PTPRN2: variants seen among roughly 807,000 people sequenced by gnomAD.
PTPRN2 encodes protein tyrosine phosphatase receptor type N2, also known as receptor-type tyrosine-protein phosphatase N2.
A neutral mutation model predicts 118.8 loss-of-function variants in PTPRN2; 74 were observed. That is an observed-to-expected ratio of 0.62 (90% CI 0.52 to 0.76). The LOEUF is 0.76. PTPRN2 is among the 30% of genes least tolerant of loss of function. The pLI, the probability that PTPRN2 is intolerant of heterozygous loss-of-function variation, is 0.00. For synonymous variants in PTPRN2, 641 were observed against 608.0 expected (o/e 1.05, Z -0.80); for missense variants, 1,481 against 1,394.4 (o/e 1.06, Z -0.99).
intron 3 of PTPRN2, among the ~76,000 whole-genome samples, chr7:158,241,369 C>T (rs1388523721): frequency 6.6e-6 from 1 of 152,040 alleles, no homozygotes; most frequent in Non-Finnish European, 1.5e-5. Context: ...ACAAAATTAG[C>T]CGGGCATGAT....
chr7:158,192,723 C>T (rs936861361), intron 4 of PTPRN2, among the ~76,000 whole-genome samples: 8 of 152,036 alleles, frequency 5.3e-5, no homozygotes, highest in African/African-American at 1.2e-4. Context: ...TGGGGATGGA[C>T]GATTGACCCC....
chr7:157,852,957 G>A (rs971309465), intron 12 of PTPRN2, among the ~76,000 whole-genome samples: 28 of 151,930 alleles, frequency 1.8e-4, no homozygotes, highest in African/African-American at 6.3e-4. Flanking sequence ...CATGCCACCA[G>A]CTTTTTCTGC....
intron 2 of PTPRN2, among the ~76,000 whole-genome samples, chr7:158,476,931 T>C (rs902977000): frequency 2.0e-5 from 3 of 152,246 alleles, no homozygotes; most frequent in African/African-American, 7.2e-5. Flanking sequence ...AGACCCAAAC[T>C]GAGCTGAACT....
chr7:158,071,002 T>C (rs1235417077), intron 11 of PTPRN2, among the ~76,000 whole-genome samples: 64 of 63,582 alleles, frequency 1.0e-3, no homozygotes, highest in Non-Finnish European at 1.3e-3. Context: ...GAGGTGCTCA[T>C]GGTGGTGGAG....
chr7:158,538,524 G>A (rs1161832543), intron 1 of PTPRN2, among the ~76,000 whole-genome samples: 2 of 152,142 alleles, frequency 1.3e-5, no homozygotes, highest in Non-Finnish European at 2.9e-5. Flanking sequence ...CTTCTATAAT[G>A]CGTGTGTGCC....
rs990182098 is a variant in PTPRN2, at chr7:157,603,493, G to C, written c.2418+509C>G. Among the ~76,000 whole-genome samples, 20 of 152,206 alleles carry C rather than the reference G, an allele frequency of 1.3e-4. No homozygotes were observed. Among genetic ancestry groups the C allele is most frequent in the African/African-American group, 4.8e-4 (20 of 41,446 alleles). ...CTCCACTGCACCTGCGTCTATCCCA[G>C]GGGGAGGAACAGCCAGCAAACGGTC... On this transcript the variant is annotated intron_variant, in intron 16 of 22. Coordinates refer to ENST00000389418, the MANE Select transcript of PTPRN2 (RefSeq NM_002847.5). The surrounding 1 kb of genome is among the most constrained non-coding windows in gnomAD (Gnocchi z 5.4).
rs1803369712 is a variant in PTPRN2, at chr7:157,982,661, G to A, written c.1724-83924C>T. The stretch of plus-strand genomic sequence containing the variant: ...CGAGGAGGGGGATGCAGAGTGCAGA[G>A]TCCCCCCAAACCCCGAGTCACAGAG... On this transcript the variant is annotated intron_variant, in intron 11 of 22. Transcript: ENST00000389418. 1.4e-5 allele frequency among the ~76,000 whole-genome samples: 2 copies of A among 142,106 alleles called. 1 individual carries two copies. The highest frequency in any genetic ancestry group is 3.1e-5 in the Non-Finnish European group (2 of 65,144). The allele number at this position is 142,106 out of a possible 152,430, so 93.2% of individuals were successfully genotyped here. A position where few individuals can be genotyped will look rare whatever the true frequency, so the allele number is the denominator to read the frequency against.
chr7:157,724,156 T>C (rs1050917273), intron 12 of PTPRN2, among the ~76,000 whole-genome samples: 1 of 146,690 alleles, frequency 6.8e-6, no homozygotes, highest in African/African-American at 2.5e-5. Flanking sequence ...TAGGCTTCCC[T>C]CGTCTGAATT....
At chr7:157,789,307 C>T (rs903712584) in intron 12 of PTPRN2, among the ~76,000 whole-genome samples, 5 of 152,234 alleles carry the variant, frequency 3.3e-5, no homozygotes, top group Admixed American at 2.6e-4. Flanking sequence ...CTGGCTTCTA[C>T]TGTTTCTAAG....
intron 12 of PTPRN2, among the ~76,000 whole-genome samples, chr7:157,878,849 C>T (rs866233180): frequency 1.4e-3 from 111 of 79,774 alleles, no homozygotes; most frequent in African/African-American, 5.5e-3. Context: ...ACTTACTCAC[C>T]GAGGAGCTCT....
intron 12 of PTPRN2, among the ~76,000 whole-genome samples, chr7:157,759,645 C>T (rs1302662877): frequency 6.6e-6 from 1 of 152,238 alleles, no homozygotes; most frequent in East Asian, 1.9e-4. Flanking sequence ...TTTTTATCTT[C>T]AGCGGTTGCT....
intron 11 of PTPRN2, among the ~76,000 whole-genome samples, chr7:158,018,968 A>AAAAC (rs1363116327): frequency 9.8e-6 from 1 of 101,608 alleles, no homozygotes; most frequent in Non-Finnish European, 2.0e-5. Context: ...TTCAAAAACA[A>AAAAC]AAAAAAAAAA....
At chr7:158,448,055 G>C (rs552709111) in intron 2 of PTPRN2, among the ~76,000 whole-genome samples, 1 of 152,340 alleles carries the variant, frequency 6.6e-6, no homozygotes, top group South Asian at 2.1e-4. Flanking sequence ...TGAGGGTGAA[G>C]CCAAGCCCAG....
chr7:157,637,494 T>C (rs1348969475), intron 14 of PTPRN2, among the ~76,000 whole-genome samples: 1 of 152,202 alleles, frequency 6.6e-6, no homozygotes, highest in Non-Finnish European at 1.5e-5. Context: ...GTAAGATCCC[T>C]TCAAAAGCCG....
intron 5 of PTPRN2, among the ~76,000 whole-genome samples, chr7:158,185,620 T>G (rs1430974945): frequency 6.6e-6 from 1 of 152,236 alleles, no homozygotes; most frequent in Non-Finnish European, 1.5e-5. Context: ...AATAACACTT[T>G]TAGTCTTGAA....
At position 158,587,595 on chromosome 7, in the gene PTPRN2, C is replaced by T; in HGVS notation, c.75G>A (p.Ser25=). The T allele has an allele frequency of 7.4e-7, 1 of 1,344,478 alleles. No homozygotes were observed. Among genetic ancestry groups the T allele is most frequent in the Non-Finnish European group, 9.5e-7 (1 of 1,053,478 alleles). 83.3% of individuals were successfully genotyped at this position (1,344,478 alleles called of 1,614,324 possible). Residue 25 remains serine, a synonymous_variant, in exon 1 of 23, where the codon TCG becomes TCA. Coordinates refer to ENST00000389418, the MANE Select transcript of PTPRN2 (RefSeq NM_002847.5). The part of the protein sequence containing the change: ...LPPRVLPAAP[S]SVPRGRQLPG... ...GGAGCTGCCGGCCGCGGGGGACGGA[C>T]GAAGGGGCGGCAGGCAGGACGCGTG...
In PTPRN2 at chr7:157,622,242, G is replaced by A. The variant is rs899257547; in HGVS notation, c.2197-733C>T. 1.3e-5 allele frequency among the ~76,000 whole-genome samples: 2 copies of A among 151,932 alleles called. No homozygotes were observed. Among genetic ancestry groups the A allele is most frequent in the Non-Finnish European group, 1.5e-5 (1 of 68,024 alleles). On this transcript the variant is annotated intron_variant, in intron 14 of 22. Transcript: ENST00000389418. The surrounding 1 kb of genome is among the most constrained non-coding windows in gnomAD (Gnocchi z 5.3). ...GCACTATGGCACCACAGGAAGTGACGGCCTCGTCTGCTGTCACTCTGCTTG... is the reference window on the plus strand; with the variant it reads ...GCACTATGGCACCACAGGAAGTGACAGCCTCGTCTGCTGTCACTCTGCTTG...
chr7:158,090,609 A>G (rs998339362), intron 10 of PTPRN2, among the ~76,000 whole-genome samples: 2 of 152,242 alleles, frequency 1.3e-5, no homozygotes, highest in African/African-American at 2.4e-5. Context: ...AACAAAGAAG[A>G]GAAGTGACAT....
intron 11 of PTPRN2, among the ~76,000 whole-genome samples, chr7:158,056,190 C>T (rs1357424105): frequency 1.3e-5 from 2 of 152,222 alleles, no homozygotes; most frequent in South Asian, 2.1e-4. Flanking sequence ...CTGCTAATCT[C>T]GCCTGAAAGG....
Sources: allele counts gnomAD v4.1 joint callset (sites outside exome capture counted in the v4.1 genomes callset), GRCh38; gene constraint gnomAD v4.1.1; non-coding constraint Gnocchi (gnomAD v3.1); transcripts MANE v1.5; gene names NCBI Gene and HGNC (gene_info 2026-07-23, HGNC 2026-07-21).